Variants in TACC1 observed in about 807,000 individuals in gnomAD.
The protein encoded by TACC1 is transforming acidic coiled-coil-containing protein 1.
Under a neutral mutation model 84.4 loss-of-function variants are expected in TACC1, and 48 were observed. That is an observed-to-expected ratio of 0.57 (90% confidence interval 0.45 to 0.72). The LOEUF (loss-of-function observed/expected upper bound fraction) is 0.72. Ranked by LOEUF, TACC1 falls within the 30% of genes least tolerant of loss-of-function variation. The pLI is 0.00. For missense variants in TACC1, 920 were observed against 973.0 expected (o/e 0.95, Z 0.72); for synonymous variants, 372 against 376.3 (o/e 0.99, Z 0.13).
At chr8:38,839,514 GC>G in intron 8 of TACC1, 1 of 337,996 alleles carries the variant, frequency 3.0e-6, no homozygotes. Context: ...AAGGCCCTTT[GC>G]TGGGCTTGAT....
chr8:38,739,532 AT>A (rs1470860048), intron 1 of TACC1, among the ~76,000 whole-genome samples: 3 of 152,018 alleles, frequency 2.0e-5, no homozygotes, highest in African/African-American at 7.3e-5. Context: ...TCCCTACACC[AT>A]TTTCGGTGCA....
At chr8:38,761,494 T>C (rs1315162524) in intron 3 of TACC1, among the ~76,000 whole-genome samples, 1 of 152,252 alleles carries the variant, frequency 6.6e-6, no homozygotes, top group Non-Finnish European at 1.5e-5. Flanking sequence ...TGTGATATTC[T>C]AGTGAACTGC....
At chr8:38,815,592 T>A (rs1825247069) in intron 2 of TACC1, among the ~76,000 whole-genome samples, 1 of 152,138 alleles carries the variant, frequency 6.6e-6, no homozygotes, top group African/African-American at 2.4e-5. Context: ...GCTAATTTTG[T>A]ATTTTTAGTA....
intron 2 of TACC1, among the ~76,000 whole-genome samples, chr8:38,818,247 A>G (rs537548463): frequency 6.6e-6 from 1 of 152,258 alleles, no homozygotes; most frequent in East Asian, 1.9e-4. Context: ...AAACAAAAAT[A>G]AAAACTATAG....
chr8:38,732,047 G>T (rs1222678690), intron 1 of TACC1, among the ~76,000 whole-genome samples: 3 of 152,136 alleles, frequency 2.0e-5, no homozygotes, highest in Non-Finnish European at 4.4e-5. Flanking sequence ...AGGAGGCAGA[G>T]GTTGCAGTGA....
chr8:38,787,648 A>G lies in TACC1; in HGVS notation c.66A>G (p.Val22=). 6.5e-7 allele frequency: 1 copy of G among 1,550,092 alleles called. No individual in the cohort carries two copies. Among genetic ancestry groups the G allele is most frequent in the Non-Finnish European group, 8.7e-7 (1 of 1,148,066 alleles). The change falls in exon 1 of 13, where the codon GTA becomes GTG. Residue 22 remains valine, a synonymous_variant. Transcript: ENST00000317827. ...GGGCGAAATGGACGTGGTCTGCGGT[A>G]CGCGGCGGGGCCGCCGGCGAGGACG... is the stretch of plus-strand genomic sequence containing the variant. ...VQWAKWTWSA[V]RGGAAGEDEA... is the part of the protein sequence containing the mutation.
chr8:38,787,137 C>T, upstream of TACC1: 1 of 984,012 alleles, frequency 1.0e-6, no homozygotes, highest in Non-Finnish European at 1.2e-6. Context: ...GCGCCGCCGC[C>T]GCCCCCGCGC....
intron 3 of TACC1, among the ~76,000 whole-genome samples, chr8:38,764,723 T>C (rs1481669258): frequency 6.6e-6 from 1 of 152,070 alleles, no homozygotes; most frequent in East Asian, 1.9e-4. Context: ...TCCTAGCACT[T>C]TGGGAGGCCG....
At position 38,852,170 on chromosome 8, in the gene TACC1, C is replaced by T. The variant is rs1833185440; in HGVS notation, c.*4147C>T. 2 of 290,260 alleles carry T rather than the reference C, an allele frequency of 6.9e-6. No individual in the cohort carries two copies. Among genetic ancestry groups the T allele is most frequent in the South Asian group, 6.2e-5 (2 of 32,316 alleles). 18.0% of individuals were successfully genotyped at this position (290,260 alleles called of 1,614,324 possible). A position where few individuals can be genotyped will look rare whatever the true frequency, so the allele number is the denominator to read the frequency against. ...GTAGTTTTTTGTCCAAATGCAATCC[C>T]ATTTCTGTGCCTCTTAGCATGCAGT... On this transcript the variant is annotated 3_prime_UTR_variant, in exon 13 of 13. Coordinates refer to ENST00000317827, the MANE Select transcript of TACC1 (RefSeq NM_006283.3).
intron 1 of TACC1, among the ~76,000 whole-genome samples, chr8:38,728,939 T>G (rs1302336392): frequency 6.6e-6 from 1 of 152,238 alleles, no homozygotes; most frequent in East Asian, 1.9e-4. Context: ...AAGTAAATAT[T>G]GTGAATCCCT....
chr8:38,738,622 C>T (rs1213506713), intron 1 of TACC1, among the ~76,000 whole-genome samples: 2 of 151,874 alleles, frequency 1.3e-5, no homozygotes, highest in Non-Finnish European at 2.9e-5. Context: ...CTTTGCTAGA[C>T]CCCATTATTG....
chr8:38,806,766 A>G (rs1489968391), intron 2 of TACC1, among the ~76,000 whole-genome samples: 1 of 152,114 alleles, frequency 6.6e-6, no homozygotes, highest in African/African-American at 2.4e-5. Flanking sequence ...CAGTTCTCTG[A>G]TTCTCCAGCC....
intron 1 of TACC1, among the ~76,000 whole-genome samples, chr8:38,733,362 G>C (rs868451499): frequency 7.9e-5 from 12 of 151,318 alleles, no homozygotes; most frequent in Non-Finnish European, 1.2e-4. Flanking sequence ...TTAGCAAACT[G>C]TTTGAAAGTA....
At chr8:38,783,344 C>T (rs960158320), upstream of TACC1, among the ~76,000 whole-genome samples, 1 of 151,816 alleles carries the variant, frequency 6.6e-6, no homozygotes, top group African/African-American at 2.4e-5. Flanking sequence ...CAGCAGACCC[C>T]AGGTGGGGGG....
chr8:38,776,416 C>T (rs1814803269), intron 3 of TACC1, among the ~76,000 whole-genome samples: 1 of 152,134 alleles, frequency 6.6e-6, no homozygotes, highest in Admixed American at 6.5e-5. Context: ...CATTGAGATA[C>T]AGGTAGAGTG....
At position 38,820,017 on chromosome 8, in the gene TACC1, C is replaced by T. The variant is rs746761573; in HGVS notation, c.773C>T (p.Pro258Leu). Residue 258 changes from proline to leucine, a missense_variant, in exon 3 of 13, where the codon CCT becomes CTT. Pro to Leu is a moderately conservative substitution (Grantham distance 98). Around this residue, in one of 2 missense-constraint regions of TACC1, gnomAD observed 762 missense variants for 747.3 expected, o/e 1.02. Transcript: ENST00000317827. ...ACCAACGCTGCTGTGGAGGGCACAC[C>T]TCTCCCCAAGGCATCCTATCACTTC... is the stretch of plus-strand genomic sequence containing the variant. ...SDTNAAVEGTPLPKASYHFSP... is the reference protein window; with the variant it reads ...SDTNAAVEGTLLPKASYHFSP... 4.1e-5 allele frequency: 66 copies of T among 1,613,932 alleles called. No homozygotes were observed. Among genetic ancestry groups the T allele is most frequent in the Non-Finnish European group, 5.5e-5 (65 of 1,180,052 alleles).
chr8:38,755,697 C>T (rs1457468372), intron 3 of TACC1, among the ~76,000 whole-genome samples: 1 of 134,944 alleles, frequency 7.4e-6, no homozygotes, highest in Non-Finnish European at 1.6e-5. Flanking sequence ...GAAAGAGACA[C>T]GGTCTTTCAA....
At chr8:38,771,141 G>A (rs1049760750) in intron 3 of TACC1, among the ~76,000 whole-genome samples, 3 of 152,184 alleles carry the variant, frequency 2.0e-5, no homozygotes, top group Non-Finnish European at 4.4e-5. Context: ...TGTGCCCTTT[G>A]CTAAACCAAG....
At chr8:38,743,391 G>T (rs1015987558) in intron 2 of TACC1, among the ~76,000 whole-genome samples, 1 of 152,190 alleles carries the variant, frequency 6.6e-6, no homozygotes, top group African/African-American at 2.4e-5. Context: ...AAGAGGAAAT[G>T]TATTTGGGAC....
Sources: allele counts gnomAD v4.1 joint callset (sites outside exome capture counted in the v4.1 genomes callset), GRCh38; gene constraint gnomAD v4.1.1; regional missense constraint gnomAD v4.1.1; transcripts MANE v1.5; gene names NCBI Gene and HGNC (gene_info 2026-07-23, HGNC 2026-07-21).